Variants in OR52N4 observed in about 807,000 individuals in gnomAD.
The protein encoded by OR52N4 is olfactory receptor 52N4.
OR52N4 carries 15 observed loss-of-function variants against 15.0 expected under a neutral mutation model. The ratio of observed to expected loss-of-function variants is 1.00; its 90% CI spans 0.67 to 1.54. The LOEUF is 1.54. OR52N4 is among the 40% of genes most tolerant of loss of function. The pLI is 0.00. For missense variants in OR52N4, 421 were observed against 394.0 expected, an observed-to-expected ratio of 1.07 and a Z score of -0.58; for synonymous variants, 143 against 143.7, an observed-to-expected ratio of 1.00 and a Z score of 0.03.
At chr11:5,731,295 A>G in the OR52N4 span, among the ~76,000 whole-genome samples, 8 of 152,334 alleles carry the variant, frequency 5.3e-5, no homozygotes, top group African/African-American at 1.9e-4. Context: ...CATCTTATCC[A>G]CTTCTCATTC....
chr11:5,732,032 T>TTG, the OR52N4 span, among the ~76,000 whole-genome samples: 10 of 152,190 alleles, frequency 6.6e-5, no homozygotes, highest in African/African-American at 2.4e-4. Context: ...TTATTTTTTT[T>TTG]GCAGTAAGAA....
the OR52N4 span, among the ~76,000 whole-genome samples, chr11:5,734,441 A>C: frequency 6.6e-6 from 1 of 152,132 alleles, no homozygotes; most frequent in Admixed American, 6.6e-5. Context: ...GGTGCACTAG[A>C]AGTTACCTTG....
At chr11:5,736,800 G>A in the OR52N4 span, 4 of 1,613,978 alleles carry the variant, frequency 2.5e-6, no homozygotes, top group Non-Finnish European at 3.4e-6. Flanking sequence ...GCCATCTTCT[G>A]GTTTGATGCC....
chr11:5,752,211 G>A (rs907575613), upstream of OR52N4, among the ~76,000 whole-genome samples: 8 of 152,126 alleles, frequency 5.3e-5, no homozygotes, highest in African/African-American at 9.7e-5. Context: ...ACACACAGGT[G>A]CTCCTATGAC....
the OR52N4 span, among the ~76,000 whole-genome samples, chr11:5,734,947 T>C: frequency 1.3e-5 from 2 of 152,204 alleles, no homozygotes; most frequent in East Asian, 3.9e-4. Flanking sequence ...ACTCCATCAT[T>C]TGGGAGTATA....
the OR52N4 span, among the ~76,000 whole-genome samples, chr11:5,743,167 A>G: frequency 6.6e-6 from 1 of 152,220 alleles, no homozygotes; most frequent in Non-Finnish European, 1.5e-5. Context: ...AATGTTAATC[A>G]ATTCAAGAAT....
At chr11:5,729,744 G>A in the OR52N4 span, among the ~76,000 whole-genome samples, 3 of 151,844 alleles carry the variant, frequency 2.0e-5, no homozygotes, top group East Asian at 1.9e-4. Flanking sequence ...ATACACCTCC[G>A]GCCACTCATG....
the OR52N4 span, among the ~76,000 whole-genome samples, chr11:5,735,451 G>A: frequency 7.8e-3 from 1,180 of 152,012 alleles, 14 homozygotes; most frequent in African/African-American, 0.027. Context: ...ATTATTTTAA[G>A]CAAAGGAATA....
At chr11:5,750,202 A>T (rs1402292588), upstream of OR52N4, among the ~76,000 whole-genome samples, 1 of 151,948 alleles carries the variant, frequency 6.6e-6, no homozygotes, top group Non-Finnish European at 1.5e-5. Context: ...TGCTTCCCCT[A>T]ATTTCTCTAC....
chr11:5,750,770 A>C (rs909132921), upstream of OR52N4, among the ~76,000 whole-genome samples: 1 of 152,032 alleles, frequency 6.6e-6, no homozygotes, highest in Admixed American at 6.6e-5. Flanking sequence ...ATGTTCATAG[A>C]AAAACATTTC....
At chr11:5,729,223 C>T in the OR52N4 span, among the ~76,000 whole-genome samples, 2 of 150,044 alleles carry the variant, frequency 1.3e-5, no homozygotes, top group Admixed American at 6.7e-5. Context: ...AGGCTCACAC[C>T]ATTCTCCTGC....
chr11:5,727,493 A>G, the OR52N4 span: 1 of 145,154 alleles, frequency 6.9e-6, no homozygotes, highest in African/African-American at 2.5e-5. Context: ...CTTAATCCAA[A>G]ATAAAAAAAA....
the OR52N4 span, among the ~76,000 whole-genome samples, chr11:5,727,822 C>A: frequency 1.3e-5 from 2 of 152,138 alleles, no homozygotes; most frequent in Non-Finnish European, 2.9e-5. Context: ...TAATTTCATA[C>A]CTTAGGATAT....
chr11:5,751,689 CTAATA>C (rs1350903056), upstream of OR52N4, among the ~76,000 whole-genome samples: 5 of 152,020 alleles, frequency 3.3e-5, no homozygotes, highest in Non-Finnish European at 7.4e-5. Flanking sequence ...TATTGAGTAT[CTAATA>C]TGAGAGATTT....
the OR52N4 span, among the ~76,000 whole-genome samples, chr11:5,748,288 G>T: frequency 6.6e-6 from 1 of 151,842 alleles, no homozygotes; most frequent in Non-Finnish European, 1.5e-5. Flanking sequence ...TTAGAACTAT[G>T]AGTGCTTTTT....
At chr11:5,730,785 G>C in the OR52N4 span, among the ~76,000 whole-genome samples, 2 of 147,646 alleles carry the variant, frequency 1.4e-5, no homozygotes, top group African/African-American at 5.0e-5. Context: ...AAGGCAGAGG[G>C]CTTCCTGCAG....
chr11:5,737,174 C>T, the OR52N4 span: 2 of 1,613,970 alleles, frequency 1.2e-6, no homozygotes, highest in South Asian at 1.1e-5. Context: ...GGGGAGTGAT[C>T]TAAGTCTTAT....
upstream of OR52N4, among the ~76,000 whole-genome samples, chr11:5,749,698 A>G (rs1411396328): frequency 6.6e-6 from 1 of 151,978 alleles, no homozygotes. Context: ...TCTAATCCAC[A>G]CGGAGCAAGC....
the OR52N4 span, among the ~76,000 whole-genome samples, chr11:5,742,333 T>A: frequency 6.6e-6 from 1 of 152,130 alleles, no homozygotes; most frequent in African/African-American, 2.4e-5. Context: ...TCTCTAGTCT[T>A]GCTAGAGGTG....
Sources: gnomAD v4.1 joint callset for allele counts (sites outside exome capture counted in the v4.1 genomes callset) on GRCh38, gnomAD v4.1.1 for gene constraint, MANE v1.5 for transcripts, NCBI Gene and HGNC (gene_info 2026-07-23, HGNC 2026-07-21) for gene names.